Variants in PALLD observed in about 807,000 individuals in gnomAD.
PALLD encodes palladin.
PALLD carries 61 observed loss-of-function variants against 123.5 expected under a neutral mutation model. The ratio of observed to expected loss-of-function variants is 0.49; its 90% CI spans 0.40 to 0.61. PALLD has a LOEUF of 0.61. Ranked by LOEUF, PALLD falls within the 20% of genes least tolerant of loss-of-function variation. The pLI is 0.00. For missense variants in PALLD, 1,273 were observed against 1,377.0 expected, an observed-to-expected ratio of 0.92 and a Z score of 1.20; for synonymous variants, 465 against 496.4, an observed-to-expected ratio of 0.94 and a Z score of 0.84.
At chr4:168,686,646 T>C (rs1782086497) in intron 6 of PALLD, 3 of 152,388 alleles carry the variant, frequency 2.0e-5, no homozygotes, top group Admixed American at 2.0e-4. Flanking sequence ...ATGTCATCCT[T>C]GTGCAGAGGT....
intron 10 of PALLD, among the ~76,000 whole-genome samples, chr4:168,748,580 C>T (rs1287840576): frequency 1.3e-5 from 2 of 152,186 alleles, no homozygotes; most frequent in African/African-American, 2.4e-5. Context: ...GATCAGGAAT[C>T]CAAGCATAGG....
At position 168,852,554 on chromosome 4, in the gene PALLD, T is replaced by C. The variant is rs993286114; in HGVS notation, c.1965-38368T>C. Among the ~76,000 whole-genome samples the C allele has an allele frequency of 2.0e-5, 3 of 152,082 alleles. No individual in the cohort carries two copies. The East Asian group carries it at 5.8e-4, about 29-fold the overall frequency. On this transcript the variant is annotated intron_variant, in intron 10 of 21. Coordinates refer to ENST00000505667, the MANE Select transcript of PALLD (RefSeq NM_001166108.2). ...TACTCGGGAGGCTGAGGCAGGAGGA[T>C]TGCTTGAGCCCAGGAAGTCAAGGCT...
At chr4:168,651,384 C>T (rs1232016726) in intron 2 of PALLD, among the ~76,000 whole-genome samples, 2 of 151,924 alleles carry the variant, frequency 1.3e-5, no homozygotes, top group Non-Finnish European at 2.9e-5. Flanking sequence ...ATGTTCCCAA[C>T]ACAAAGAAAT....
chr4:168,835,457 C>A (rs567816797), intron 10 of PALLD, among the ~76,000 whole-genome samples: 61 of 152,204 alleles, frequency 4.0e-4, no homozygotes, highest in African/African-American at 1.3e-3. Flanking sequence ...GGAACTCGAC[C>A]AGATTTGAGA....
chr4:168,640,147 G>A (rs77069306), intron 2 of PALLD, among the ~76,000 whole-genome samples: 3,005 of 152,218 alleles, frequency 0.02, 40 homozygotes, highest in Non-Finnish European at 0.032. Context: ...TCAAGCGATA[G>A]CCGGGCCTCA....
intron 2 of PALLD, among the ~76,000 whole-genome samples, chr4:168,583,293 A>G (rs1770477244): frequency 6.6e-6 from 1 of 152,200 alleles, no homozygotes; most frequent in South Asian, 2.1e-4. Flanking sequence ...AATATCCTTT[A>G]TAATTATCTA....
intron 2 of PALLD, among the ~76,000 whole-genome samples, chr4:168,538,763 G>A (rs10023989): frequency 6.6e-6 from 1 of 152,100 alleles, no homozygotes; most frequent in East Asian, 1.9e-4. Flanking sequence ...ACCGGCAAAG[G>A]CTCCAAAAAT....
chr4:168,740,130 T>G (rs1788184387), intron 10 of PALLD, among the ~76,000 whole-genome samples: 2 of 152,104 alleles, frequency 1.3e-5, no homozygotes, highest in Admixed American at 1.3e-4. Flanking sequence ...AAAAAACTTG[T>G]AAATTTTGTA....
chr4:168,807,988 G>A (rs908164404), intron 10 of PALLD, among the ~76,000 whole-genome samples: 2 of 142,730 alleles, frequency 1.4e-5, no homozygotes, highest in Non-Finnish European at 3.1e-5. Context: ...TTACAGGTGT[G>A]AGCCACTGTG....
intron 13 of PALLD, 70 bp from the exon 14 acceptor site, chr4:168,898,423 G>C: frequency 1.0e-6 from 1 of 952,578 alleles, no homozygotes; most frequent in Non-Finnish European, 1.7e-6. Flanking sequence ...GCCTTATTGG[G>C]GGGCAGGGAG....
At chr4:168,832,069 A>G in intron 10 of PALLD, 1 of 985,376 alleles carries the variant, frequency 1.0e-6, no homozygotes, top group South Asian at 4.7e-5. Context: ...CGAGGTATAA[A>G]GCCCGATACC....
At chr4:168,549,861 A>G (rs145352348) in intron 2 of PALLD, among the ~76,000 whole-genome samples, 4 of 152,328 alleles carry the variant, frequency 2.6e-5, no homozygotes, top group Non-Finnish European at 5.9e-5. Flanking sequence ...CTTATTTTCT[A>G]TAGTAGCATT....
chr4:168,581,147 A>T (rs939582629), intron 2 of PALLD, among the ~76,000 whole-genome samples: 1 of 152,022 alleles, frequency 6.6e-6, no homozygotes, highest in Non-Finnish European at 1.5e-5. Context: ...AATATTAAAA[A>T]AAAATACCCA....
intron 17 of PALLD, among the ~76,000 whole-genome samples, chr4:168,916,293 T>G (rs935514520): frequency 6.6e-6 from 1 of 151,990 alleles, no homozygotes; most frequent in Admixed American, 6.6e-5. Context: ...GTGCCTATAG[T>G]CCCATCTACT....
intron 10 of PALLD, among the ~76,000 whole-genome samples, chr4:168,827,778 C>T (rs1480281762): frequency 1.3e-5 from 2 of 152,178 alleles, no homozygotes; most frequent in South Asian, 4.1e-4. Context: ...CGCGGTGGCT[C>T]ATGCCTGTAA....
intron 2 of PALLD, among the ~76,000 whole-genome samples, chr4:168,589,555 A>G (rs528959542): frequency 7.5e-6 from 1 of 133,502 alleles, no homozygotes; most frequent in South Asian, 2.3e-4. Flanking sequence ...ACCACCAAAA[A>G]CTATAGATCT....
At chr4:168,732,855 A>G (rs1002299022) in intron 10 of PALLD, among the ~76,000 whole-genome samples, 3 of 152,222 alleles carry the variant, frequency 2.0e-5, no homozygotes, top group African/African-American at 4.8e-5. Context: ...TTTCACAAAG[A>G]AAGTCTTAAC....
intron 13 of PALLD, 58 bp from the exon 14 acceptor site, chr4:168,898,435 G>A: frequency 9.3e-7 from 1 of 1,075,104 alleles, no homozygotes; most frequent in Non-Finnish European, 1.4e-6. Flanking sequence ...GGCAGGGAGA[G>A]ACGTGACACT....
chr4:168,791,716 GTTGA>G (rs1330168361), intron 10 of PALLD, among the ~76,000 whole-genome samples: 1 of 152,180 alleles, frequency 6.6e-6, no homozygotes, highest in East Asian at 1.9e-4. Context: ...TAAGCTTGGT[GTTGA>G]TTATCTGATT....
Sources: gnomAD v4.1 joint callset for allele counts (sites outside exome capture counted in the v4.1 genomes callset) on GRCh38, gnomAD v4.1.1 for gene constraint, MANE v1.5 for transcripts, NCBI Gene and HGNC (gene_info 2026-07-23, HGNC 2026-07-21) for gene names.